The following PIK3CG variants were observed in gnomAD, a reference collection of about 807,000 sequenced individuals.
The protein encoded by PIK3CG is phosphatidylinositol 4,5-bisphosphate 3-kinase catalytic subunit gamma isoform.
Under a neutral mutation model 102.3 loss-of-function variants are expected in PIK3CG, and 55 were observed. The observed-to-expected ratio is 0.54, with a 90% CI of 0.43 to 0.67. PIK3CG has a LOEUF of 0.67. PIK3CG is among the 30% of genes least tolerant of loss of function. The pLI, the probability that PIK3CG is intolerant of heterozygous loss-of-function variation, is 0.00. For synonymous variants in PIK3CG, 552 were observed against 540.0 expected, an observed-to-expected ratio of 1.02 and a Z score of -0.31; for missense variants, 1,258 against 1,391.8, an observed-to-expected ratio of 0.90 and a Z score of 1.53.
rs557410407 is a variant in PIK3CG at position 106,890,147 on chromosome 7, T to A, written c.3030+3855T>A. ...TGGCAAATGAAATTTGGCTTCTAAG[T>A]TTTTTAAATGTCAGAATGTGTTTTT... On this transcript the variant is annotated intron_variant, in intron 10 of 10. Transcript: ENST00000496166. The surrounding 1 kb of genome is among the most constrained non-coding windows in gnomAD (Gnocchi z 4.2). Among the ~76,000 whole-genome samples, 3 of 152,360 alleles carry A rather than the reference T, an allele frequency of 2.0e-5. No homozygotes were observed. Among genetic ancestry groups the A allele is most frequent in the South Asian group, 4.1e-4 (2 of 4,830 alleles).
Position 106,867,754 on chromosome 7 carries a change from G to A in PIK3CG, c.193G>A (p.Gly65Ser), listed in dbSNP as rs749364940. The A allele has an allele frequency of 1.9e-6, 3 of 1,612,822 alleles. No individual in the cohort carries two copies. Among genetic ancestry groups the A allele is most frequent in the East Asian group, 2.2e-5 (1 of 44,884 alleles). ...GGCGCTGCTGCACGTGGCCGGCCAC[G>A]GCAACGTGGAGCAGATGAAGGCCCA... ...ETALLHVAGH[G>S]NVEQMKAQVW... The change falls in exon 2 of 11, where the codon GGC becomes AGC. Residue 65 changes from glycine to serine, a missense_variant. Coordinates refer to ENST00000496166, the MANE Select transcript of PIK3CG (RefSeq NM_001282426.2). The surrounding 1 kb of genome is among the most constrained non-coding windows in gnomAD (Gnocchi z 5.1).
rs1791043694 is a variant in PIK3CG, at chr7:106,884,976, G to T, written c.2872+710G>T. On this transcript the variant is annotated intron_variant, in intron 9 of 10. Coordinates refer to ENST00000496166, the MANE Select transcript of PIK3CG (RefSeq NM_001282426.2). This position sits in a 1 kb window ranked among gnomAD's most constrained non-coding sequence, Gnocchi z 4.2. ...TCGTGCACAGTTCACAATAGGGTTT[G>T]TGTTCCTATGAGAATCTAATGCTGC... Among the ~76,000 whole-genome samples, 3 of 152,168 alleles carry T rather than the reference G, an allele frequency of 2.0e-5. No homozygotes were observed. Among genetic ancestry groups the T allele is most frequent in the Admixed American group, 2.0e-4 (3 of 15,284 alleles).
Position 106,902,562 on chromosome 7 carries a change from A to G in PIK3CG, c.3031-2547A>G, listed in dbSNP as rs1382569530. Among the ~76,000 whole-genome samples the G allele has an allele frequency of 6.6e-6, 1 of 151,448 alleles. No homozygotes were observed. Among genetic ancestry groups the G allele is most frequent in the Non-Finnish European group, 1.5e-5 (1 of 67,892 alleles). On this transcript the variant is annotated intron_variant, in intron 10 of 10. Coordinates refer to ENST00000496166, the MANE Select transcript of PIK3CG (RefSeq NM_001282426.2). The surrounding 1 kb of genome is among the most constrained non-coding windows in gnomAD (Gnocchi z 4.3). ...TAAAAGACTAAAAAAAAAAAAGTCCAGTTTTTAGGTAAATTTTCCATCTCA... is the reference window on the plus strand; with the variant it reads ...TAAAAGACTAAAAAAAAAAAAGTCCGGTTTTTAGGTAAATTTTCCATCTCA...
rs1397157875 is a variant in PIK3CG, at chr7:106,893,285, G to A, written c.3030+6993G>A. ...TCACTATCTCTCCATGTTATGCACTGGAAGATATCCTCAAAGAAGGGTCTG... is the reference window on the plus strand; with the variant it reads ...TCACTATCTCTCCATGTTATGCACTAGAAGATATCCTCAAAGAAGGGTCTG... On this transcript the variant is annotated intron_variant, in intron 10 of 10. Coordinates refer to ENST00000496166, the MANE Select transcript of PIK3CG (RefSeq NM_001282426.2). This position sits in a 1 kb window ranked among gnomAD's most constrained non-coding sequence, Gnocchi z 4.4. 2.6e-5 allele frequency among the ~76,000 whole-genome samples: 4 copies of A among 152,084 alleles called. No individual in the cohort carries two copies. In the East Asian group the frequency reaches 7.7e-4, roughly 29 times the overall value.
rs1252420625 is a variant in PIK3CG at position 106,868,005 on chromosome 7, A to G, written c.444A>G (p.Gln148=). The G allele has an allele frequency of 1.9e-6, 3 of 1,612,282 alleles. No individual in the cohort carries two copies. Among genetic ancestry groups the G allele is most frequent in the Middle Eastern group, 1.6e-4 (1 of 6,062 alleles). ...GGCACCCGCCCTCCGAGGAGTCCCA[A>G]GCCTTCCAGCGGCAGCTCACGGCGC... is the stretch of plus-strand genomic sequence containing the variant. ...VQRHPPSEES[Q]AFQRQLTALI... is the part of the protein sequence containing the mutation. Residue 148 remains glutamine, a synonymous_variant, in exon 2 of 11, where the codon CAA becomes CAG. Transcript: ENST00000496166. This position sits in a 1 kb window ranked among gnomAD's most constrained non-coding sequence, Gnocchi z 6.2.
At position 106,889,801 on chromosome 7, in the gene PIK3CG, G is replaced by A. The variant is rs529312925; in HGVS notation, c.3030+3509G>A. Among the ~76,000 whole-genome samples the A allele has an allele frequency of 1.7e-4, 26 of 152,276 alleles. No homozygotes were observed. In the East Asian group the frequency reaches 4.2e-3, roughly 25 times the overall value. Reference sequence around the variant, plus strand: ...TCCCAAGGGAGCTACTTTAGCCTAGGACCATAGTCACACTTACTTCTAGAA... The same window carrying A: ...TCCCAAGGGAGCTACTTTAGCCTAGAACCATAGTCACACTTACTTCTAGAA... On this transcript the variant is annotated intron_variant, in intron 10 of 10. Coordinates refer to ENST00000496166, the MANE Select transcript of PIK3CG (RefSeq NM_001282426.2).
intron 5 of PIK3CG, among the ~76,000 whole-genome samples, chr7:106,875,939 G>T (rs1370889662): frequency 7.9e-6 from 1 of 125,982 alleles, no homozygotes; most frequent in Non-Finnish European, 1.6e-5. Context: ...ACGGAGTCTC[G>T]CTCTGTTGCC....
chr7:106,882,917 CA>C (rs552794683), intron 7 of PIK3CG, 115 bp from the exon 8 acceptor site: 55,597 of 408,608 alleles, frequency 0.14, 166 homozygotes, highest in South Asian at 0.17. Flanking sequence ...GCTCTCTGGT[CA>C]AAAAAAAAAA....
chr7:106,867,876 G>A lies in PIK3CG; in HGVS notation c.315G>A (p.Gln105=), dbSNP rs1170456279. ...HFLLLYQKKG[Q]WYEIYDKYQV... is the part of the protein sequence containing the mutation. ...TCCTGCTCTATCAGAAGAAGGGGCA[G>A]TGGTACGAGATCTACGACAAGTACC... Residue 105 remains glutamine, a synonymous_variant, in exon 2 of 11, where the codon CAG becomes CAA. Transcript: ENST00000496166. This position sits in a 1 kb window ranked among gnomAD's most constrained non-coding sequence, Gnocchi z 5.1. 1 of 1,613,070 alleles carries A rather than the reference G, an allele frequency of 6.2e-7. No homozygotes were observed. Among genetic ancestry groups the A allele is most frequent in the South Asian group, 1.1e-5 (1 of 91,084 alleles).
In PIK3CG at chr7:106,865,390, T is replaced by A. The variant is rs1196088530; in HGVS notation, c.-49T>A. On this transcript the variant is annotated 5_prime_UTR_variant, in exon 1 of 11. The change abolishes an upstream ATG in the 5' untranslated region. Coordinates refer to ENST00000496166, the MANE Select transcript of PIK3CG (RefSeq NM_001282426.2). Reference sequence around the variant, plus strand: ...GTTTTGTTTTCAAAAATTAAACAAATGATCCTTCAGCATCATCGCCTCCGC... The same window carrying A: ...GTTTTGTTTTCAAAAATTAAACAAAAGATCCTTCAGCATCATCGCCTCCGC... 3.3e-5 allele frequency: 5 copies of A among 152,234 alleles called. No individual in the cohort carries two copies. The highest frequency in any genetic ancestry group is 5.9e-5 in the Non-Finnish European group (4 of 68,046). The allele number at this position is 152,234 out of a possible 1,614,324, so 9.4% of individuals were successfully genotyped here.
chr7:106,881,312 T>C (rs543612570), intron 6 of PIK3CG, among the ~76,000 whole-genome samples: 183 of 152,330 alleles, frequency 1.2e-3, no homozygotes, highest in African/African-American at 4.3e-3. Context: ...AAGGCTTTGT[T>C]CCTTCACCTG....
rs2116544114 is a variant in PIK3CG, at chr7:106,883,060, C to T, written c.2657C>T (p.Thr886Met). The T allele has an allele frequency of 1.9e-6, 3 of 1,614,066 alleles. No homozygotes were observed. Among genetic ancestry groups the T allele is most frequent in the South Asian group, 1.1e-5 (1 of 91,072 alleles). The change falls in exon 8 of 11, where the codon ACG becomes ATG. Residue 886 changes from threonine (T) to methionine (M), a missense_variant. This residue lies in a region of PIK3CG where 426 missense variants were observed against 604.2 expected (regional missense o/e 0.71). Transcript: ENST00000496166. This position sits in a 1 kb window ranked among gnomAD's most constrained non-coding sequence, Gnocchi z 5.8. Reference sequence around the variant, plus strand: ...ATGATCGAGATTGTGAAAGACGCCACGACAATTGCCAAAATTCAGCAAAGC... The same window carrying T: ...ATGATCGAGATTGTGAAAGACGCCATGACAATTGCCAAAATTCAGCAAAGC... ...IGMIEIVKDA[T>M]TIAKIQQSTV...
rs974864659 is a variant in PIK3CG at position 106,902,263 on chromosome 7, C to T, written c.3031-2846C>T. On this transcript the variant is annotated intron_variant, in intron 10 of 10. Coordinates refer to ENST00000496166, the MANE Select transcript of PIK3CG (RefSeq NM_001282426.2). This position sits in a 1 kb window ranked among gnomAD's most constrained non-coding sequence, Gnocchi z 4.3. ...GTTTCCTGTCTTGTGTCAAGCAATG[C>T]GGGGGGTGTGTGGGATGCACGGGAG... Among the ~76,000 whole-genome samples the T allele has an allele frequency of 1.3e-5, 2 of 151,928 alleles. No homozygotes were observed. The highest frequency in any genetic ancestry group is 2.4e-5 in the African/African-American group (1 of 41,338).
At chr7:106,873,508 A>G (rs1002023781) in intron 4 of PIK3CG, among the ~76,000 whole-genome samples, 7 of 152,224 alleles carry the variant, frequency 4.6e-5, no homozygotes, top group Non-Finnish European at 4.4e-5. Flanking sequence ...TTCCCTAAAC[A>G]GTACAGTGTA....
chr7:106,891,201 T>C lies in PIK3CG; in HGVS notation c.3030+4909T>C, dbSNP rs1791254017. On this transcript the variant is annotated intron_variant, in intron 10 of 10. Coordinates refer to ENST00000496166, the MANE Select transcript of PIK3CG (RefSeq NM_001282426.2). The surrounding 1 kb of genome is among the most constrained non-coding windows in gnomAD (Gnocchi z 4.4). ...AGCACCTTGTAGGGGAGGAGCTGGA[T>C]CAAACTGGATAACCTCTGGGGTGTC... 6.6e-6 allele frequency among the ~76,000 whole-genome samples: 1 copy of C among 152,280 alleles called. No individual in the cohort carries two copies. Among genetic ancestry groups the C allele is most frequent in the South Asian group, 2.1e-4 (1 of 4,826 alleles).
rs1010094795 is a variant in PIK3CG, at chr7:106,890,562, C to G, written c.3030+4270C>G. 1.2e-4 allele frequency among the ~76,000 whole-genome samples: 18 copies of G among 152,128 alleles called. 1 individual carries two copies. On this transcript the variant is annotated intron_variant, in intron 10 of 10. Coordinates refer to ENST00000496166, the MANE Select transcript of PIK3CG (RefSeq NM_001282426.2). This position sits in a 1 kb window ranked among gnomAD's most constrained non-coding sequence, Gnocchi z 4.2. Reference sequence around the variant, plus strand: ...AGAGCCAGCAAAATATTGAAAATACCAAAAGACATAAAAATTCATTATCCT... The same window carrying G: ...AGAGCCAGCAAAATATTGAAAATACGAAAAGACATAAAAATTCATTATCCT...
At position 106,877,055 on chromosome 7, in the gene PIK3CG, C is replaced by T. The variant is rs866824913; in HGVS notation, c.2391+2252C>T. Among the ~76,000 whole-genome samples the T allele has an allele frequency of 2.0e-5, 3 of 152,138 alleles. No homozygotes were observed. The highest frequency in any genetic ancestry group is 4.8e-5 in the African/African-American group (2 of 41,508). ...TCTACAAAAAATAAAAAAAAATAGC[C>T]GGGCATGGTGGCACGTGCCATAGTC... On this transcript the variant is annotated intron_variant, in intron 5 of 10. Transcript: ENST00000496166. The surrounding 1 kb of genome is among the most constrained non-coding windows in gnomAD (Gnocchi z 4.5).
rs1412563998 is a variant in PIK3CG at position 106,877,658 on chromosome 7, C to T, written c.2392-1861C>T. On this transcript the variant is annotated intron_variant, in intron 5 of 10. Transcript: ENST00000496166. This position sits in a 1 kb window ranked among gnomAD's most constrained non-coding sequence, Gnocchi z 4.5. ...TGTTTTGTTTTTCCTGGAGAACTAC[C>T]TTGGCACCTTTGTCAAGTATCAACT... Among the ~76,000 whole-genome samples the T allele has an allele frequency of 2.0e-5, 3 of 151,952 alleles. No individual in the cohort carries two copies. The East Asian group carries it at 5.9e-4, about 30-fold the overall frequency.
rs1421503985 is a variant in PIK3CG at position 106,868,854 on chromosome 7, C to A, written c.1293C>A (p.Leu431=). ...KDLPKGALLN[L]QIYCGKAPAL... Reference sequence around the variant, plus strand: ...TGCCCAAAGGGGCTCTACTGAACCTCCAGATCTACTGCGGTAAAGCTCCAG... The same window carrying A: ...TGCCCAAAGGGGCTCTACTGAACCTACAGATCTACTGCGGTAAAGCTCCAG... Residue 431 remains leucine (L), a synonymous_variant, in exon 2 of 11, where the codon CTC becomes CTA. Coordinates refer to ENST00000496166, the MANE Select transcript of PIK3CG (RefSeq NM_001282426.2). This position sits in a 1 kb window ranked among gnomAD's most constrained non-coding sequence, Gnocchi z 6.2. 11 of 1,614,212 alleles carry A rather than the reference C, an allele frequency of 6.8e-6. No individual in the cohort carries two copies. The highest frequency in any genetic ancestry group is 9.3e-6 in the Non-Finnish European group (11 of 1,180,032).
Sources: gnomAD v4.1 joint callset for allele counts (sites outside exome capture counted in the v4.1 genomes callset) on GRCh38, gnomAD v4.1.1 for gene constraint, gnomAD v4.1.1 regional missense constraint, Gnocchi (gnomAD v3.1) non-coding constraint, MANE v1.5 for transcripts, NCBI Gene and HGNC (gene_info 2026-07-23, HGNC 2026-07-21) for gene names.